The following MYO3B variants were observed in gnomAD, a reference collection of about 807,000 sequenced individuals.
The protein encoded by MYO3B is myosin-IIIb.
MYO3B carries 156 observed loss-of-function variants against 174.6 expected under a neutral mutation model. That is an observed-to-expected ratio of 0.89 (90% CI 0.78 to 1.02). MYO3B has a LOEUF of 1.02. Among genes scored for constraint, MYO3B ranks in the 50% least tolerant of loss-of-function variants. The pLI, the probability that MYO3B is intolerant of heterozygous loss-of-function variation, is 0.00. For missense variants in MYO3B, 1,632 were observed against 1,639.4 expected, an observed-to-expected ratio of 1.00 and a Z score of 0.08; for synonymous variants, 563 against 569.1, an observed-to-expected ratio of 0.99 and a Z score of 0.15.
At chr2:170,303,182 T>G (rs191156334) in intron 7 of MYO3B, among the ~76,000 whole-genome samples, 3 of 152,324 alleles carry the variant, frequency 2.0e-5, no homozygotes, top group African/African-American at 7.2e-5. Context: ...ACTGTTTTTT[T>G]AAGTTTTCTC....
intron 23 of MYO3B, among the ~76,000 whole-genome samples, chr2:170,445,435 G>A (rs2094833988): frequency 6.6e-6 from 1 of 151,988 alleles, no homozygotes; most frequent in African/African-American, 2.4e-5. Flanking sequence ...TCTGCCTCCT[G>A]CATTCAAACG....
chr2:170,478,013 A>G (rs900368011), intron 25 of MYO3B, among the ~76,000 whole-genome samples: 3 of 152,156 alleles, frequency 2.0e-5, no homozygotes, highest in Non-Finnish European at 4.4e-5. Flanking sequence ...CCCTTCAACT[A>G]TCATGTCTGC....
At chr2:170,518,770 A>T (rs1003820039) in intron 29 of MYO3B, among the ~76,000 whole-genome samples, 4 of 152,204 alleles carry the variant, frequency 2.6e-5, no homozygotes, top group Non-Finnish European at 5.9e-5. Flanking sequence ...GTAAGTTTCC[A>T]GGTGATGTTG....
rs1266412311 is a variant in MYO3B at position 170,282,829 on chromosome 2, GTCAGGGT to G, written c.749+46695_749+46701del. On this transcript the variant is annotated intron_variant, in intron 7 of 34. Transcript: ENST00000408978. ...CATGCAAACACAGAGCTGTTGAGGG[GTCAGGGT>G]TGCTATCGGTGATAGCCACCTCAGG... Among the ~76,000 whole-genome samples, 22 of 152,226 alleles carry G rather than the reference GTCAGGGT, an allele frequency of 1.4e-4. No individual in the cohort carries two copies. The East Asian group carries it at 4.3e-3, about 29-fold the overall frequency.
At chr2:170,614,349 A>T (rs1179680934) in intron 32 of MYO3B, among the ~76,000 whole-genome samples, 1 of 152,236 alleles carries the variant, frequency 6.6e-6, no homozygotes, top group Non-Finnish European at 1.5e-5. Flanking sequence ...AGTAGCTGTT[A>T]TGATGGGGAT....
intron 32 of MYO3B, among the ~76,000 whole-genome samples, chr2:170,558,121 G>A (rs1691454663): frequency 6.6e-6 from 1 of 152,122 alleles, no homozygotes; most frequent in African/African-American, 2.4e-5. Context: ...CTAACACGGT[G>A]AAATCCCATC....
At chr2:170,626,237 C>T (rs1234378746) in intron 32 of MYO3B, among the ~76,000 whole-genome samples, 1 of 152,114 alleles carries the variant, frequency 6.6e-6, no homozygotes, top group Non-Finnish European at 1.5e-5. Flanking sequence ...TCTGGGTGCT[C>T]CTGTACTGGG....
chr2:170,337,495 G>C (rs4668242), intron 8 of MYO3B, among the ~76,000 whole-genome samples: 79,799 of 152,010 alleles, frequency 0.52, 22,324 homozygotes, highest in East Asian at 0.7. Context: ...TCAAGAGTAT[G>C]TTCGTAATCA....
chr2:170,519,845 T>C (rs551129233), intron 30 of MYO3B: 2 of 261,824 alleles, frequency 7.6e-6, no homozygotes, highest in South Asian at 8.7e-5. Flanking sequence ...TGGTGGCATG[T>C]GCCTGTAATC....
intron 7 of MYO3B, among the ~76,000 whole-genome samples, chr2:170,266,207 G>A (rs1208626030): frequency 6.6e-6 from 1 of 152,168 alleles, no homozygotes; most frequent in Non-Finnish European, 1.5e-5. Flanking sequence ...GCAGCCTCAT[G>A]TATATAGCTC....
intron 7 of MYO3B, among the ~76,000 whole-genome samples, chr2:170,301,811 T>C (rs914666417): frequency 2.7e-5 from 4 of 150,654 alleles, no homozygotes; most frequent in Admixed American, 6.7e-5. Context: ...TAACAGTATG[T>C]GCAAGGTGAG....
At chr2:170,205,171 CCATAG>C (rs902350586) in intron 3 of MYO3B, among the ~76,000 whole-genome samples, 25 of 152,146 alleles carry the variant, frequency 1.6e-4, no homozygotes, top group Non-Finnish European at 1.0e-4. Context: ...GTTTTTAAAT[CCATAG>C]CTGAGTTTTG....
rs765667733 is a variant in MYO3B, at chr2:170,251,228, T to C, written c.749+15092T>C. Among the ~76,000 whole-genome samples, 4 of 152,106 alleles carry C rather than the reference T, an allele frequency of 2.6e-5. No homozygotes were observed. The East Asian group carries it at 5.8e-4, about 22-fold the overall frequency. ...GATTCTTTACTGCAACTCTGATAGG[T>C]AGGGTTCTTTTTTTTCTTTATGTTA... On this transcript the variant is annotated intron_variant, in intron 7 of 34. Coordinates refer to ENST00000408978, the MANE Select transcript of MYO3B (RefSeq NM_138995.5).
chr2:170,211,134 C>T lies in MYO3B; in HGVS notation c.322-3245C>T, dbSNP rs187512341. Among the ~76,000 whole-genome samples the T allele has an allele frequency of 9.2e-5, 14 of 152,268 alleles. No homozygotes were observed. The East Asian group carries it at 2.5e-3, about 27-fold the overall frequency. ...GAGAAAAACAGGTTTCTTCCCAAAA[C>T]GGAGTGGTGCCTTGTCTGTTTTTCC... On this transcript the variant is annotated intron_variant, in intron 3 of 34. Transcript: ENST00000408978.
intron 30 of MYO3B, among the ~76,000 whole-genome samples, chr2:170,523,347 A>G (rs1688798252): frequency 6.6e-6 from 1 of 152,078 alleles, no homozygotes; most frequent in Admixed American, 6.5e-5. Flanking sequence ...ACAGTGGGCC[A>G]GGGTATCCCT....
chr2:170,543,617 G>A (rs1690269102), intron 31 of MYO3B, among the ~76,000 whole-genome samples: 1 of 152,048 alleles, frequency 6.6e-6, no homozygotes, highest in Non-Finnish European at 1.5e-5. Flanking sequence ...TTTATATTCT[G>A]GACTATAATT....
chr2:170,267,928 C>T (rs1489765162), intron 7 of MYO3B, among the ~76,000 whole-genome samples: 1 of 152,134 alleles, frequency 6.6e-6, no homozygotes, highest in East Asian at 1.9e-4. Flanking sequence ...TGTAGAAAGT[C>T]CAGGTGTGGT....
intron 32 of MYO3B, among the ~76,000 whole-genome samples, chr2:170,592,712 A>G (rs2106326159): frequency 6.6e-6 from 1 of 152,252 alleles, no homozygotes; most frequent in South Asian, 2.1e-4. Context: ...TTAGTGAAGT[A>G]TCCTTGGTGC....
At chr2:170,430,633 G>A (rs938683298) in intron 22 of MYO3B, among the ~76,000 whole-genome samples, 2 of 152,102 alleles carry the variant, frequency 1.3e-5, no homozygotes, top group Non-Finnish European at 2.9e-5. Flanking sequence ...GCCTCCCAAA[G>A]TGCTGGGATT....
Sources: allele counts gnomAD v4.1 joint callset (sites outside exome capture counted in the v4.1 genomes callset), GRCh38; gene constraint gnomAD v4.1.1; transcripts MANE v1.5; gene names NCBI Gene and HGNC (gene_info 2026-07-23, HGNC 2026-07-21).